The following TNR variants were observed in gnomAD, a reference collection of about 807,000 sequenced individuals.
TNR encodes the protein tenascin-R.
A neutral mutation model predicts 150.4 loss-of-function variants in TNR; 45 were observed. The ratio of observed to expected loss-of-function variants is 0.30; its 90% CI spans 0.24 to 0.38. The LOEUF (loss-of-function observed/expected upper bound fraction) is 0.38, where lower values mean the gene tolerates loss of function less well. TNR is among the 10% of genes least tolerant of loss of function. The pLI, the probability that TNR is intolerant of heterozygous loss-of-function variation, is 1.00. For missense variants in TNR, 1,544 were observed against 1,759.1 expected (o/e 0.88, Z 2.19); for synonymous variants, 687 against 678.4 (o/e 1.01, Z -0.20).
intron 2 of TNR, among the ~76,000 whole-genome samples, chr1:175,422,036 G>A (rs1654773761): frequency 6.6e-6 from 1 of 152,230 alleles, no homozygotes; most frequent in Non-Finnish European, 1.5e-5. Context: ...TGCAGCAATT[G>A]AAGAAATTGA....
In TNR at chr1:175,386,309, A is replaced by G; in HGVS notation, c.1508-8T>C. ...GCGTGGGGCCGTCAATGACTGAGTG[A>G]GAAGGATCAAACAGAACAAAAAGTT... is the stretch of plus-strand genomic sequence containing the variant. On this transcript the variant is annotated splice_region_variant and splice_polypyrimidine_tract_variant and intron_variant, in intron 7 of 22. Coordinates refer to ENST00000367674, the MANE Select transcript of TNR (RefSeq NM_003285.3). 6.5e-7 allele frequency: 1 copy of G among 1,539,012 alleles called. No individual in the cohort carries two copies. Among genetic ancestry groups the G allele is most frequent in the Non-Finnish European group, 8.8e-7 (1 of 1,139,050 alleles).
chr1:175,659,952 TTTTTTTCTGGATATAAA>T (rs1284618874), intron 1 of TNR, among the ~76,000 whole-genome samples: 1 of 150,138 alleles, frequency 6.7e-6, no homozygotes, highest in Non-Finnish European at 1.5e-5. Flanking sequence ...CTTTCGCCAG[TTTTTTTCTGGATATAAA>T]TTTTGGAGGT....
rs146355346 is a variant in TNR, at chr1:175,364,092, C to T, written c.2588-265G>A. On this transcript the variant is annotated intron_variant, in intron 12 of 22. Coordinates refer to ENST00000367674, the MANE Select transcript of TNR (RefSeq NM_003285.3). ...TCTGTACCTGTTACCTATCTGCAAG[C>T]CAACTAGGAACTTTTTTTTTAAGTT... 1.1e-4 allele frequency among the ~76,000 whole-genome samples: 16 copies of T among 152,266 alleles called. No individual in the cohort carries two copies. The East Asian group carries it at 2.9e-3, about 28-fold the overall frequency.
intron 1 of TNR, among the ~76,000 whole-genome samples, chr1:175,704,178 T>C (rs527249842): frequency 6.6e-6 from 1 of 152,338 alleles, no homozygotes; most frequent in African/African-American, 2.4e-5. Context: ...TACACTAAAC[T>C]GTACGCTTAA....
chr1:175,605,811 C>T (rs1308312744), intron 1 of TNR, among the ~76,000 whole-genome samples: 1 of 152,184 alleles, frequency 6.6e-6, no homozygotes, highest in African/African-American at 2.4e-5. Context: ...AGCATGACAG[C>T]TTTCTCATCT....
chr1:175,374,602 G>C (rs1652285402), intron 9 of TNR, among the ~76,000 whole-genome samples: 1 of 152,194 alleles, frequency 6.6e-6, no homozygotes, highest in South Asian at 2.1e-4. Context: ...GTAAGTCTCT[G>C]TTTTCTTGCA....
chr1:175,368,142 T>C (rs1343835395), intron 9 of TNR, among the ~76,000 whole-genome samples: 1 of 152,346 alleles, frequency 6.6e-6, no homozygotes, highest in Non-Finnish European at 1.5e-5. Flanking sequence ...TAGTTTCCTA[T>C]TGCTGCTGTA....
At chr1:175,714,460 C>G (rs1038659471) in intron 1 of TNR, among the ~76,000 whole-genome samples, 17 of 152,212 alleles carry the variant, frequency 1.1e-4, no homozygotes, top group African/African-American at 4.1e-4. Flanking sequence ...CTCCCTCCCT[C>G]ACCCCAGCTG....
In TNR at chr1:175,454,234, T is replaced by C. The variant is rs116736340; in HGVS notation, c.-63-47457A>G. Among the ~76,000 whole-genome samples the C allele has an allele frequency of 4.4e-3, 673 of 152,302 alleles. 3 individuals carry two copies. Among genetic ancestry groups the C allele is most frequent in the African/African-American group, 0.016 (656 of 41,558 alleles). On this transcript the variant is annotated intron_variant, in intron 2 of 22. Transcript: ENST00000367674. ...TTGCCACAGTGTGTGAAATTCCCAT[T>C]GTTAGAATCATTCATCCAGATTACA...
intron 1 of TNR, among the ~76,000 whole-genome samples, chr1:175,708,977 C>T (rs910970145): frequency 8.1e-5 from 11 of 135,802 alleles, no homozygotes; most frequent in African/African-American, 3.7e-4. Context: ...CACAAGCACC[C>T]CCACGTGGCG....
chr1:175,657,687 G>T (rs1399320995), intron 1 of TNR, among the ~76,000 whole-genome samples: 9 of 142,904 alleles, frequency 6.3e-5, no homozygotes, highest in East Asian at 4.1e-4. Context: ...ACCAAACACC[G>T]CATGTTCTCA....
chr1:175,398,092 T>A (rs965207609), intron 4 of TNR, among the ~76,000 whole-genome samples: 2 of 152,210 alleles, frequency 1.3e-5, no homozygotes, highest in Non-Finnish European at 1.5e-5. Flanking sequence ...GCCAGCTGTG[T>A]TTTGCTGGAC....
chr1:175,692,532 C>A (rs1235414446), intron 1 of TNR, among the ~76,000 whole-genome samples: 1 of 152,208 alleles, frequency 6.6e-6, no homozygotes, highest in East Asian at 1.9e-4. Flanking sequence ...AGAATAAAGT[C>A]TTTAATTTGC....
chr1:175,725,193 G>A lies in TNR; in HGVS notation c.-165+18033C>T, dbSNP rs1364980616. Among the ~76,000 whole-genome samples, 6 of 152,206 alleles carry A rather than the reference G, an allele frequency of 3.9e-5. No homozygotes were observed. In the East Asian group the frequency reaches 7.7e-4, roughly 20 times the overall value. On this transcript the variant is annotated intron_variant, in intron 1 of 22. Coordinates refer to ENST00000367674, the MANE Select transcript of TNR (RefSeq NM_003285.3). The stretch of plus-strand genomic sequence containing the variant: ...CCTTTCCACCATGTGAGGATGCAAT[G>A]AGGAGGTGCCATCTATACAGAAGGC...
In TNR at chr1:175,394,349, G is replaced by T. The variant is rs569685280; in HGVS notation, c.1241-454C>A. Among the ~76,000 whole-genome samples the T allele has an allele frequency of 6.7e-4, 102 of 152,284 alleles. 1 individual carries two copies. Among genetic ancestry groups the T allele is most frequent in the African/African-American group, 2.3e-3 (94 of 41,548 alleles). The stretch of plus-strand genomic sequence containing the variant: ...TCATTTTGCACACAGGAAAAGAGAG[G>T]CACAGAGAAAGCTGGCTAAAGTTGT... On this transcript the variant is annotated intron_variant, in intron 5 of 22. Transcript: ENST00000367674.
chr1:175,623,009 A>G (rs1664030760), intron 1 of TNR, among the ~76,000 whole-genome samples: 1 of 152,198 alleles, frequency 6.6e-6, no homozygotes, highest in African/African-American at 2.4e-5. Context: ...TACATCTGCA[A>G]AGATCCTATT....
chr1:175,604,519 A>G (rs1663352091), intron 1 of TNR, among the ~76,000 whole-genome samples: 2 of 152,160 alleles, frequency 1.3e-5, no homozygotes, highest in African/African-American at 4.8e-5. Context: ...CAGCATAAAG[A>G]AAAGCTCACT....
At chr1:175,406,009 G>C (rs1264152887) in intron 3 of TNR, among the ~76,000 whole-genome samples, 1 of 152,184 alleles carries the variant, frequency 6.6e-6, no homozygotes, top group Non-Finnish European at 1.5e-5. Context: ...ATCCCTCGGG[G>C]AAGAACTGCA....
At chr1:175,383,122 C>T (rs1163078909) in intron 8 of TNR, among the ~76,000 whole-genome samples, 1 of 152,120 alleles carries the variant, frequency 6.6e-6, no homozygotes, top group Non-Finnish European at 1.5e-5. Flanking sequence ...GTGGGCATGT[C>T]TGTCTCTGTG....
Sources: allele counts gnomAD v4.1 joint callset (sites outside exome capture counted in the v4.1 genomes callset), GRCh38; gene constraint gnomAD v4.1.1; transcripts MANE v1.5; gene names NCBI Gene and HGNC (gene_info 2026-07-23, HGNC 2026-07-21).